The following ATG7 variants were observed in gnomAD, a reference collection of about 807,000 sequenced individuals.
ATG7 encodes ubiquitin-like modifier-activating enzyme ATG7.
Under a neutral mutation model 82.4 loss-of-function variants are expected in ATG7, and 70 were observed. The ratio of observed to expected loss-of-function variants is 0.85; its 90% CI spans 0.70 to 1.04. The LOEUF (loss-of-function observed/expected upper bound fraction) is 1.04, where lower values mean the gene tolerates loss of function less well. Ranked by LOEUF, ATG7 falls within the 50% of genes least tolerant of loss-of-function variation. The pLI, the probability that ATG7 is intolerant of heterozygous loss-of-function variation, is 0.00. For synonymous variants in ATG7, 287 were observed against 313.0 expected, an observed-to-expected ratio of 0.92 and a Z score of 0.88; for missense variants, 792 against 864.3, an observed-to-expected ratio of 0.92 and a Z score of 1.05.
intron 20 of ATG7, among the ~76,000 whole-genome samples, chr3:11,515,137 C>T (rs970000595): frequency 2.0e-5 from 3 of 152,192 alleles, no homozygotes; most frequent in East Asian, 1.9e-4. Flanking sequence ...CCGCGCCTGG[C>T]CTAGGTTTTA....
chr3:11,566,229 C>T, the ATG7 span, among the ~76,000 whole-genome samples: 1 of 151,774 alleles, frequency 6.6e-6, no homozygotes, highest in Non-Finnish European at 1.5e-5. Flanking sequence ...CACACGCACA[C>T]CACACACACA....
chr3:11,309,761 CTG>C (rs1948366330), intron 7 of ATG7, among the ~76,000 whole-genome samples: 1 of 152,126 alleles, frequency 6.6e-6, no homozygotes. Context: ...GTATATATAT[CTG>C]TGTATATAAA....
rs58493047 is a variant in ATG7, at chr3:11,521,557, G to GT, written c.2080-33241dup. Among the ~76,000 whole-genome samples the GT allele has an allele frequency of 6.5e-3, 941 of 143,666 alleles. 19 individuals carry two copies. The East Asian group carries it at 0.077, about 12-fold the overall frequency. 94.3% of individuals were successfully genotyped at this position (143,666 alleles called of 152,430 possible). ...TGGCCAGCCCAGGAAGGGTTTTTTT[G>GT]TTTTTTTTTTTTTAAGACGGAGTCT... On this transcript the variant is annotated intron_variant, in intron 20 of 20. Coordinates refer to ENST00000693202, the MANE Select transcript of ATG7 (RefSeq NM_001349232.2).
chr3:11,403,175 T>C (rs1397347898), intron 19 of ATG7, among the ~76,000 whole-genome samples: 1 of 152,232 alleles, frequency 6.6e-6, no homozygotes, highest in Non-Finnish European at 1.5e-5. Context: ...ATCCACCCAT[T>C]GTAAGACTAG....
chr3:11,377,361 C>T (rs2077497515), intron 18 of ATG7, among the ~76,000 whole-genome samples: 1 of 152,182 alleles, frequency 6.6e-6, no homozygotes, highest in African/African-American at 2.4e-5. Flanking sequence ...CTGTCTGGGC[C>T]TGCTGAACGG....
chr3:11,358,591 C>T lies in ATG7; in HGVS notation c.1458C>T (p.Val486=), dbSNP rs549818402. ...DTRESRWLPA[V]IAASKRKLVI... The stretch of plus-strand genomic sequence containing the variant: ...GGGAGAGCCGGTGGCTTCCTGCCGT[C>T]ATTGCTGCAAGCAAGAGAAAGGTAG... Residue 486 remains valine, a synonymous_variant, in exon 15 of 21, where the codon GTC becomes GTT. Coordinates refer to ENST00000693202, the MANE Select transcript of ATG7 (RefSeq NM_001349232.2). 19 of 1,613,462 alleles carry T rather than the reference C, an allele frequency of 1.2e-5. No individual in the cohort carries two copies. The African/African-American group carries it at 1.7e-4, about 15-fold the overall frequency.
intron 9 of ATG7, among the ~76,000 whole-genome samples, chr3:11,318,216 G>T (rs1235227278): frequency 2.0e-5 from 3 of 152,100 alleles, no homozygotes; most frequent in African/African-American, 7.2e-5. Context: ...TCCTTCACTT[G>T]GTTAGGGTGG....
chr3:11,332,855 T>C, intron 10 of ATG7, 117 bp from the exon 11 acceptor site: 1 of 1,088,430 alleles, frequency 9.2e-7, no homozygotes, highest in Non-Finnish European at 1.2e-6. Flanking sequence ...CAGAGAGGCA[T>C]AATTAGAATG....
Position 11,358,612 on chromosome 3 carries a change from G to A in ATG7, c.1479G>A (p.Lys493=). ...CCGTCATTGCTGCAAGCAAGAGAAA[G>A]GTAGGCCCTGTCTCTAATTATGATT... The part of the protein sequence containing the change: ...LPAVIAASKR[K]LVINAALGFD... The change falls in exon 15 of 21, where the codon AAG becomes AAA. Residue 493 remains lysine (K), a splice_region_variant and synonymous_variant. Coordinates refer to ENST00000693202, the MANE Select transcript of ATG7 (RefSeq NM_001349232.2). 3.7e-6 allele frequency: 6 copies of A among 1,612,362 alleles called. No individual in the cohort carries two copies. The highest frequency in any genetic ancestry group is 5.1e-6 in the Non-Finnish European group (6 of 1,179,626).
intron 19 of ATG7, among the ~76,000 whole-genome samples, chr3:11,396,744 C>G (rs181613762): frequency 1.4e-3 from 211 of 146,964 alleles, no homozygotes; most frequent in African/African-American, 5.0e-3. Context: ...ATGGCGCCAC[C>G]GCACTCCAGC....
chr3:11,353,313 C>T (rs752067177), intron 14 of ATG7, among the ~76,000 whole-genome samples: 10 of 151,908 alleles, frequency 6.6e-5, no homozygotes, highest in Admixed American at 2.0e-4. Context: ...AGTGTGGTGG[C>T]GTGCACCTGT....
chr3:11,460,919 C>T (rs1044424082), intron 20 of ATG7, among the ~76,000 whole-genome samples: 1 of 152,180 alleles, frequency 6.6e-6, no homozygotes, highest in African/African-American at 2.4e-5. Context: ...GTTTTGAGAA[C>T]CACCTGGTAT....
intron 20 of ATG7, among the ~76,000 whole-genome samples, chr3:11,436,169 C>T (rs1051629387): frequency 6.6e-6 from 1 of 152,190 alleles, no homozygotes; most frequent in African/African-American, 2.4e-5. Flanking sequence ...TTTAAAACAA[C>T]ATTTCTCCAA....
intron 19 of ATG7, among the ~76,000 whole-genome samples, chr3:11,405,168 C>T (rs992005624): frequency 6.6e-6 from 1 of 152,140 alleles, no homozygotes; most frequent in African/African-American, 2.4e-5. Flanking sequence ...TGGGTGAATT[C>T]TGAATCAGGT....
At chr3:11,506,395 C>A (rs1022356632) in intron 20 of ATG7, among the ~76,000 whole-genome samples, 18 of 152,046 alleles carry the variant, frequency 1.2e-4, no homozygotes, top group Non-Finnish European at 4.4e-5. Context: ...CTAGAGGTTA[C>A]TGTATTGGAC....
intron 10 of ATG7, among the ~76,000 whole-genome samples, chr3:11,332,141 A>G (rs1013545706): frequency 1.3e-5 from 2 of 151,938 alleles, no homozygotes; most frequent in Non-Finnish European, 2.9e-5. Context: ...CACGTTCTTC[A>G]ATAATGAAAT....
At chr3:11,309,490 T>G (rs1948305584) in intron 7 of ATG7, among the ~76,000 whole-genome samples, 1 of 152,114 alleles carries the variant, frequency 6.6e-6, no homozygotes, top group Non-Finnish European at 1.5e-5. Flanking sequence ...AAACATGTTT[T>G]CTGTAAGCGA....
At chr3:11,464,290 T>C (rs1433215940) in intron 20 of ATG7, among the ~76,000 whole-genome samples, 3 of 152,172 alleles carry the variant, frequency 2.0e-5, no homozygotes, top group Non-Finnish European at 4.4e-5. Context: ...GAGGATTGCT[T>C]GAACCCAAGA....
chr3:11,373,696 CCT>C (rs2077194428), intron 18 of ATG7, among the ~76,000 whole-genome samples: 1 of 152,154 alleles, frequency 6.6e-6, no homozygotes, highest in Non-Finnish European at 1.5e-5. Context: ...TGCGGCCTGG[CCT>C]CTCTCAATAG....
Sources: gnomAD v4.1 joint callset for allele counts (sites outside exome capture counted in the v4.1 genomes callset) on GRCh38, gnomAD v4.1.1 for gene constraint, MANE v1.5 for transcripts, NCBI Gene and HGNC (gene_info 2026-07-23, HGNC 2026-07-21) for gene names.